Variants in AEBP2 observed in about 807,000 individuals in gnomAD.
The protein encoded by AEBP2 is AE binding protein 2.
Under a neutral mutation model 50.8 loss-of-function variants are expected in AEBP2, and 10 were observed. That is an observed-to-expected ratio of 0.20 (90% CI 0.12 to 0.33). AEBP2 has a LOEUF of 0.33. Ranked by LOEUF, AEBP2 falls within the 10% of genes least tolerant of loss-of-function variation. The pLI, the probability that AEBP2 is intolerant of heterozygous loss-of-function variation, is 1.00. For synonymous variants in AEBP2, 296 were observed against 261.3 expected (o/e 1.13, Z -1.28); for missense variants, 570 against 688.0 (o/e 0.83, Z 1.92).
chr12:19,413,172 A>G, intron 1 of AEBP2: 1 of 753,546 alleles, frequency 1.3e-6, no homozygotes, highest in Non-Finnish European at 2.5e-6. Context: ...GATGCAGCCC[A>G]ACAGGAAGCA....
intron 1 of AEBP2, chr12:19,457,648 T>C (rs1432093672): frequency 2.3e-5 from 32 of 1,374,012 alleles, no homozygotes; most frequent in Non-Finnish European, 2.9e-5. Context: ...TCCTTTCCCA[T>C]TTTGGCTTTT....
chr12:19,423,219 G>A (rs975136169), intron 1 of AEBP2, among the ~76,000 whole-genome samples: 6 of 151,926 alleles, frequency 3.9e-5, no homozygotes, highest in Admixed American at 6.6e-5. Context: ...TGGTGAATAA[G>A]CTGCTAGAAA....
intron 1 of AEBP2, among the ~76,000 whole-genome samples, chr12:19,430,157 G>T (rs1025670515): frequency 4.6e-5 from 7 of 152,102 alleles, no homozygotes; most frequent in Non-Finnish European, 7.4e-5. Context: ...TTTTGTATAA[G>T]GTGTAAGGAA....
upstream of AEBP2, among the ~76,000 whole-genome samples, chr12:19,436,662 GT>G (rs1158678986): frequency 6.6e-6 from 1 of 150,448 alleles, no homozygotes; most frequent in Non-Finnish European, 1.5e-5. Flanking sequence ...ATCACTCACA[GT>G]TCACTGCAGC....
At chr12:19,513,937 A>T (rs905958867) in intron 6 of AEBP2, among the ~76,000 whole-genome samples, 421 of 75,842 alleles carry the variant, frequency 5.6e-3, no homozygotes, top group Middle Eastern at 8.8e-3. Flanking sequence ...CAGGGTTTTT[A>T]TTTATTTCTT....
intron 1 of AEBP2, among the ~76,000 whole-genome samples, chr12:19,441,669 A>C (rs1456266026): frequency 6.6e-6 from 1 of 152,190 alleles, no homozygotes; most frequent in Non-Finnish European, 1.5e-5. Flanking sequence ...AGTTAAGAAA[A>C]TATCTTCGGG....
intron 7 of AEBP2, among the ~76,000 whole-genome samples, chr12:19,516,543 T>C (rs929893422): frequency 6.6e-6 from 1 of 152,162 alleles, no homozygotes; most frequent in Admixed American, 6.5e-5. Flanking sequence ...ATTTAGACAT[T>C]TTAGTGAAAG....
At position 19,471,334 on chromosome 12, in the gene AEBP2, G is replaced by A. The variant is rs761011859; in HGVS notation, c.880-1914G>A. ...GGGTTATGGCATGTTGCCCAGGCTG[G>A]CCTCATTCCTGGGCTCAAGCAATCC... On this transcript the variant is annotated intron_variant, in intron 2 of 7. Transcript: ENST00000266508. 9.8e-4 allele frequency among the ~76,000 whole-genome samples: 149 copies of A among 152,162 alleles called. 9 individuals carry two copies. Among genetic ancestry groups the A allele is most frequent in the Non-Finnish European group, 1.2e-4 (8 of 68,020 alleles).
intron 1 of AEBP2, among the ~76,000 whole-genome samples, chr12:19,418,651 A>G (rs1368130426): frequency 6.6e-6 from 1 of 152,122 alleles, no homozygotes; most frequent in East Asian, 1.9e-4. Context: ...AGACCAAAAC[A>G]ATGTATACAT....
intron 1 of AEBP2, chr12:19,457,308 A>T: frequency 6.5e-7 from 1 of 1,534,000 alleles, no homozygotes; most frequent in Admixed American, 1.7e-5. Context: ...CAGCACAGTC[A>T]GCCTGAGATG....
chr12:19,501,802 T>TTG (rs1565733898), intron 5 of AEBP2, among the ~76,000 whole-genome samples: 4 of 143,772 alleles, frequency 2.8e-5, no homozygotes, highest in Admixed American at 7.0e-5. Flanking sequence ...AGTTTGTTTT[T>TTG]TTTTTTTTTT....
chr12:19,506,299 C>T (rs1038745539), intron 5 of AEBP2, among the ~76,000 whole-genome samples: 2 of 151,722 alleles, frequency 1.3e-5, no homozygotes, highest in East Asian at 3.9e-4. Context: ...GGGATTTCGC[C>T]ATGTTGGCCA....
chr12:19,466,507 A>G (rs1280718693), intron 2 of AEBP2, among the ~76,000 whole-genome samples: 3 of 152,166 alleles, frequency 2.0e-5, no homozygotes, highest in East Asian at 3.9e-4. Context: ...AAGTACATTC[A>G]CCTTATTGTG....
chr12:19,439,622 GA>G lies in AEBP2; in HGVS notation c.-77del, dbSNP rs1947902849. 1 of 1,475,676 alleles carries G rather than the reference GA, an allele frequency of 6.8e-7. No individual in the cohort carries two copies. The highest frequency in any genetic ancestry group is 9.0e-7 in the Non-Finnish European group (1 of 1,115,612). The allele number at this position is 1,475,676 out of a possible 1,614,324, so 91.4% of individuals were successfully genotyped here. On this transcript the variant is annotated 5_prime_UTR_variant, in exon 1 of 8. Coordinates refer to ENST00000266508, the MANE Select transcript of AEBP2 (RefSeq NM_153207.5). ...CGTCGGCGGAGTTTTGGGCGTTTGG[GA>G]GGGGGGCGAGGGAGAGAGAGTCGAG...
intron 3 of AEBP2, 52 bp downstream of exon 3, chr12:19,473,407 T>G: frequency 1.4e-6 from 1 of 709,598 alleles, no homozygotes. Flanking sequence ...ATTTATTTAT[T>G]TATTTATTTA....
At chr12:19,415,432 C>G (rs1274092112) in intron 1 of AEBP2, among the ~76,000 whole-genome samples, 1 of 141,784 alleles carries the variant, frequency 7.1e-6, no homozygotes, top group Non-Finnish European at 1.5e-5. Context: ...CATTCAGAGG[C>G]CACTTTTGCA....
chr12:19,493,745 C>A (rs1948928690), intron 3 of AEBP2, 55 bp from the exon 4 acceptor site: 2 of 1,516,178 alleles, frequency 1.3e-6, no homozygotes, highest in East Asian at 4.6e-5. Flanking sequence ...CATTGATATT[C>A]TTCTCGTGCC....
chr12:19,492,662 G>T (rs921166211), intron 3 of AEBP2, among the ~76,000 whole-genome samples: 10 of 152,036 alleles, frequency 6.6e-5, no homozygotes, highest in African/African-American at 2.4e-4. Context: ...TGAAGTTTAA[G>T]AAATTTATAA....
intron 6 of AEBP2, 145 bp from the exon 7 acceptor site, chr12:19,514,526 A>T (rs1372353591): frequency 3.6e-6 from 2 of 560,704 alleles, no homozygotes; most frequent in African/African-American, 3.9e-5. Flanking sequence ...TAAGGTTGAT[A>T]GCTGAGCTTC....
Sources: allele counts gnomAD v4.1 joint callset (sites outside exome capture counted in the v4.1 genomes callset), GRCh38; gene constraint gnomAD v4.1.1; transcripts MANE v1.5; gene names NCBI Gene and HGNC (gene_info 2026-07-23, HGNC 2026-07-21).